The following TMTC2 variants were observed in gnomAD, a reference collection of about 807,000 sequenced individuals.
The protein encoded by TMTC2 is transmembrane O-mannosyltransferase targeting cadherins 2, also known as protein O-mannosyl-transferase TMTC2.
Under a neutral mutation model 82.4 loss-of-function variants are expected in TMTC2, and 43 were observed. The ratio of observed to expected loss-of-function variants is 0.52; its 90% CI spans 0.41 to 0.67. The LOEUF is 0.67. Among genes scored for constraint, TMTC2 ranks in the 30% least tolerant of loss-of-function variants. The pLI, the probability that TMTC2 is intolerant of heterozygous loss-of-function variation, is 0.00. For missense variants in TMTC2, 919 were observed against 1,012.4 expected, an observed-to-expected ratio of 0.91 and a Z score of 1.25; for synonymous variants, 408 against 381.9, an observed-to-expected ratio of 1.07 and a Z score of -0.80.
chr12:83,057,617 T>C (rs1882594014), intron 10 of TMTC2, among the ~76,000 whole-genome samples: 1 of 151,920 alleles, frequency 6.6e-6, no homozygotes, highest in South Asian at 2.1e-4. Flanking sequence ...TAGTACTGCT[T>C]TGAGTAACTT....
chr12:82,713,241 G>T (rs2136916370), intron 1 of TMTC2, among the ~76,000 whole-genome samples: 1 of 152,176 alleles, frequency 6.6e-6, no homozygotes, highest in South Asian at 2.1e-4. Context: ...GAATTGCCTG[G>T]GAGGTGGAGG....
chr12:82,926,005 CAG>C (rs1875692172), intron 3 of TMTC2, among the ~76,000 whole-genome samples: 5 of 139,568 alleles, frequency 3.6e-5, no homozygotes, highest in Non-Finnish European at 6.1e-5. Flanking sequence ...TTTTTTTTGA[CAG>C]AGTCTCACTC....
intron 7 of TMTC2, among the ~76,000 whole-genome samples, chr12:82,982,371 C>T (rs1878956608): frequency 6.7e-6 from 1 of 150,202 alleles, no homozygotes. Flanking sequence ...AGTACTTGTT[C>T]TTATAGTGTT....
At chr12:83,096,375 A>G (rs1884030007) in intron 11 of TMTC2, among the ~76,000 whole-genome samples, 1 of 152,194 alleles carries the variant, frequency 6.6e-6, no homozygotes, top group African/African-American at 2.4e-5. Context: ...TTATTCTGTT[A>G]TCACTCATCA....
At chr12:82,817,422 T>C (rs955193899) in intron 1 of TMTC2, among the ~76,000 whole-genome samples, 1 of 152,188 alleles carries the variant, frequency 6.6e-6, no homozygotes. Flanking sequence ...CAGCCTATAG[T>C]TCAGTTGTTC....
chr12:83,026,221 A>G (rs1881169294), intron 8 of TMTC2, among the ~76,000 whole-genome samples: 1 of 152,176 alleles, frequency 6.6e-6, no homozygotes, highest in Admixed American at 6.5e-5. Context: ...AAGAATTAGA[A>G]GCTATGTATC....
At chr12:82,811,807 CTTTTTTTTTTTT>C (rs1171596880) in intron 1 of TMTC2, among the ~76,000 whole-genome samples, 2,457 of 91,180 alleles carry the variant, frequency 0.027, 90 homozygotes, top group African/African-American at 0.1. Flanking sequence ...TGCTCTCCTT[CTTTTTTTTTTTT>C]TTTTTTTTTT....
At chr12:83,100,348 A>G (rs939761575) in intron 11 of TMTC2, among the ~76,000 whole-genome samples, 3 of 150,022 alleles carry the variant, frequency 2.0e-5, no homozygotes, top group South Asian at 2.1e-4. Context: ...TTGGGCCACT[A>G]TTTTCACAGT....
chr12:82,794,734 C>A (rs1014828150), intron 1 of TMTC2, among the ~76,000 whole-genome samples: 1 of 152,020 alleles, frequency 6.6e-6, no homozygotes, highest in Non-Finnish European at 1.5e-5. Context: ...CCCGGAGAGA[C>A]ATGCCTTAGC....
intron 1 of TMTC2, among the ~76,000 whole-genome samples, chr12:82,777,547 G>C (rs947739134): frequency 6.6e-6 from 1 of 152,020 alleles, no homozygotes; most frequent in African/African-American, 2.4e-5. Context: ...TCTTTTATGT[G>C]TTCAAATCTA....
intron 11 of TMTC2, among the ~76,000 whole-genome samples, chr12:83,099,378 C>T (rs545935816): frequency 6.6e-6 from 1 of 152,178 alleles, no homozygotes; most frequent in African/African-American, 2.4e-5. Flanking sequence ...AAAATTCTTA[C>T]TGCGCACAAC....
In TMTC2 at chr12:82,897,739, C is replaced by T. The variant is rs12298096; in HGVS notation, c.1483+1093C>T. 5.9e-3 allele frequency among the ~76,000 whole-genome samples: 891 copies of T among 151,866 alleles called. 14 individuals carry two copies. The highest frequency in any genetic ancestry group is 0.02 in the African/African-American group (838 of 41,432). ...TGGGGTTTCACCACGTTAGCCAGGCCGGTCTCAACTCCTGACCTTAGGTGA... is the reference window on the plus strand; with the variant it reads ...TGGGGTTTCACCACGTTAGCCAGGCTGGTCTCAACTCCTGACCTTAGGTGA... On this transcript the variant is annotated intron_variant, in intron 3 of 11. Coordinates refer to ENST00000321196, the MANE Select transcript of TMTC2 (RefSeq NM_152588.3).
chr12:83,079,161 TA>T (rs1268365087), intron 11 of TMTC2, among the ~76,000 whole-genome samples: 1 of 152,126 alleles, frequency 6.6e-6, no homozygotes, highest in Non-Finnish European at 1.5e-5. Context: ...TTCTATCAGT[TA>T]TTTTTTTTTC....
At chr12:83,046,599 G>A (rs1303725415) in intron 9 of TMTC2, among the ~76,000 whole-genome samples, 1 of 152,126 alleles carries the variant, frequency 6.6e-6, no homozygotes, top group Non-Finnish European at 1.5e-5. Flanking sequence ...CTACCTTGTA[G>A]TATACCTGCA....
At chr12:82,809,142 G>GT (rs1303616022) in intron 1 of TMTC2, among the ~76,000 whole-genome samples, 1 of 150,874 alleles carries the variant, frequency 6.6e-6, no homozygotes, top group Non-Finnish European at 1.5e-5. Flanking sequence ...AACATTCATG[G>GT]TAAAGAAACA....
chr12:82,961,306 A>C (rs917422180), intron 4 of TMTC2, among the ~76,000 whole-genome samples: 1 of 151,708 alleles, frequency 6.6e-6, no homozygotes, highest in Admixed American at 6.6e-5. Flanking sequence ...CTCAATCTAG[A>C]AAATAACACT....
chr12:82,819,265 C>T (rs979484633), intron 1 of TMTC2, among the ~76,000 whole-genome samples: 1 of 152,004 alleles, frequency 6.6e-6, no homozygotes, highest in Non-Finnish European at 1.5e-5. Flanking sequence ...TTTCTTTCAA[C>T]TGAAAGATAA....
intron 8 of TMTC2, among the ~76,000 whole-genome samples, chr12:83,001,181 C>T (rs1234684001): frequency 6.6e-6 from 1 of 152,148 alleles, no homozygotes; most frequent in African/African-American, 2.4e-5. Context: ...TATGCCAATT[C>T]CTGGAGCAGG....
chr12:83,113,546 A>C (rs1447007432), intron 11 of TMTC2, among the ~76,000 whole-genome samples: 1 of 152,208 alleles, frequency 6.6e-6, no homozygotes, highest in Non-Finnish European at 1.5e-5. Flanking sequence ...TTGATTTGCC[A>C]TGGGCTTAGA....
Sources: gnomAD v4.1 joint callset for allele counts (sites outside exome capture counted in the v4.1 genomes callset) on GRCh38, gnomAD v4.1.1 for gene constraint, MANE v1.5 for transcripts, NCBI Gene and HGNC (gene_info 2026-07-23, HGNC 2026-07-21) for gene names.